Variants in DMD observed in about 807,000 individuals in gnomAD.
The protein encoded by DMD is dystrophin, also known as mutant dystrophin.
DMD carries 63 observed loss-of-function variants against 330.1 expected under a neutral mutation model. That is an observed-to-expected ratio of 0.19 (90% CI 0.16 to 0.24). The LOEUF is 0.24. Ranked by LOEUF, DMD falls within the 10% of genes least tolerant of loss-of-function variation. The pLI is 1.00. For missense variants in DMD, 3,344 were observed against 2,684.1 expected (o/e 1.25, Z -5.43); for synonymous variants, 1,223 against 959.8 (o/e 1.27, Z -5.07).
intron 17 of DMD, among the ~76,000 whole-genome samples, chrX:32,524,170 T>G (rs1043314260): frequency 2.7e-5 from 3 of 110,439 alleles, no homozygotes; most frequent in African/African-American, 6.6e-5. Flanking sequence ...TCCTGACCTC[T>G]AGATCCGCCC....
chrX:32,052,530 G>A (rs2096124451), intron 44 of DMD, among the ~76,000 whole-genome samples: 1 of 110,680 alleles, frequency 9.0e-6, no homozygotes, highest in African/African-American at 3.3e-5. Flanking sequence ...TGTATGTTCA[G>A]AATAAAAGAA....
At chrX:33,061,898 C>CT (rs894824584) in intron 1 of DMD, among the ~76,000 whole-genome samples, 2 of 111,100 alleles carry the variant, frequency 1.8e-5, no homozygotes, top group African/African-American at 6.5e-5. Flanking sequence ...ACTTAAAACT[C>CT]TTTTTTTCCC....
intron 17 of DMD, among the ~76,000 whole-genome samples, chrX:32,525,465 C>T (rs1446013138): frequency 5.4e-5 from 6 of 111,590 alleles, no homozygotes; most frequent in African/African-American, 9.8e-5. Flanking sequence ...GGCCTACATC[C>T]AACGCTTAGT....
At chrX:31,808,148 G>A (rs1283284354) in intron 50 of DMD, among the ~76,000 whole-genome samples, 1 of 111,449 alleles carries the variant, frequency 9.0e-6, no homozygotes, top group African/African-American at 3.3e-5. Context: ...GGGAATAATC[G>A]AAATGAAAGC....
chrX:32,171,003 G>A (rs997838943), intron 44 of DMD, among the ~76,000 whole-genome samples: 1 of 111,179 alleles, frequency 9.0e-6, no homozygotes, highest in South Asian at 3.8e-4. Context: ...ATCTATCTGT[G>A]TCCCTATAAA....
intron 41 of DMD, among the ~76,000 whole-genome samples, chrX:32,325,252 A>T (rs1284152757): frequency 9.0e-6 from 1 of 111,174 alleles, no homozygotes; most frequent in Non-Finnish European, 1.9e-5. Context: ...CAGAATGAAG[A>T]AATGAAGAGT....
At chrX:33,330,663 A>G (rs755949477) in intron 1 of DMD, among the ~76,000 whole-genome samples, 1 of 112,158 alleles carries the variant, frequency 8.9e-6, no homozygotes, top group South Asian at 3.7e-4. Flanking sequence ...ATTGTATGCA[A>G]CTGGCTTTTA....
chrX:32,466,687 GA>G (rs1331806089), intron 23 of DMD, among the ~76,000 whole-genome samples: 1 of 111,278 alleles, frequency 9.0e-6, no homozygotes, highest in Admixed American at 9.6e-5. Flanking sequence ...GGGAGAGGGA[GA>G]TAGACAGGGA....
chrX:32,745,513 G>C (rs1384464195), intron 7 of DMD, among the ~76,000 whole-genome samples: 1 of 112,275 alleles, frequency 8.9e-6, no homozygotes, highest in Non-Finnish European at 1.9e-5. Context: ...TTCAGTGACA[G>C]TTAAGTTCCT....
At chrX:33,327,391 T>A (rs1324146719) in intron 1 of DMD, among the ~76,000 whole-genome samples, 1 of 111,739 alleles carries the variant, frequency 8.9e-6, no homozygotes, top group Non-Finnish European at 1.9e-5. Context: ...AACCTTGGAA[T>A]AGGTTGCTAA....
At chrX:31,158,276 G>A (rs779809082) in intron 74 of DMD, among the ~76,000 whole-genome samples, 1 of 112,172 alleles carries the variant, frequency 8.9e-6, no homozygotes, top group Non-Finnish European at 1.9e-5. Context: ...AAGAAAGAAT[G>A]AAATACTAAT....
At chrX:33,277,574 A>G (rs1282146702) in intron 1 of DMD, among the ~76,000 whole-genome samples, 2 of 110,734 alleles carry the variant, frequency 1.8e-5, no homozygotes, top group Middle Eastern at 9.1e-3. Flanking sequence ...TTCTTTCACA[A>G]CGTGTTTATG....
At chrX:32,175,527 T>A (rs750408253) in intron 44 of DMD, among the ~76,000 whole-genome samples, 1 of 110,819 alleles carries the variant, frequency 9.0e-6, no homozygotes, top group South Asian at 3.9e-4. Context: ...TGCTCGCTGT[T>A]TGGGTTCGTG....
intron 62 of DMD, among the ~76,000 whole-genome samples, chrX:31,301,458 C>T (rs1267874551): frequency 8.9e-6 from 1 of 111,810 alleles, no homozygotes; most frequent in African/African-American, 3.3e-5. Flanking sequence ...AGCACATCTT[C>T]ACACAGCAGC....
At chrX:33,220,335 G>A (rs2052150880) in intron 1 of DMD, among the ~76,000 whole-genome samples, 1 of 111,247 alleles carries the variant, frequency 9.0e-6, no homozygotes, top group Admixed American at 9.6e-5. Flanking sequence ...TTTCAGTCTT[G>A]GATGGATACT....
At chrX:31,857,189 G>T (rs1166614828) in intron 48 of DMD, among the ~76,000 whole-genome samples, 1 of 109,213 alleles carries the variant, frequency 9.2e-6, no homozygotes, top group African/African-American at 3.3e-5. Flanking sequence ...GACCAGCCTG[G>T]TCAACATGGT....
intron 1 of DMD, among the ~76,000 whole-genome samples, chrX:33,139,879 A>AT (rs1279080182): frequency 6.5e-5 from 7 of 108,125 alleles, no homozygotes; most frequent in Non-Finnish European, 1.1e-4. Context: ...AAAAAAAAAA[A>AT]AAAAAAAAAA....
intron 55 of DMD, among the ~76,000 whole-genome samples, chrX:31,552,376 T>C (rs533552891): frequency 1.8e-5 from 2 of 110,803 alleles, no homozygotes; most frequent in African/African-American, 3.3e-5. Context: ...TCCCACTAGA[T>C]TGCTAGGGTT....
intron 57 of DMD, among the ~76,000 whole-genome samples, chrX:31,494,061 G>A (rs917691724): frequency 4.6e-5 from 5 of 108,373 alleles, no homozygotes; most frequent in Admixed American, 4.0e-4. Flanking sequence ...GGAGGCTGAG[G>A]CGGGAGAATT....
Sources: allele counts gnomAD v4.1 joint callset (sites outside exome capture counted in the v4.1 genomes callset), GRCh38; gene constraint gnomAD v4.1.1; transcripts MANE v1.5; gene names NCBI Gene and HGNC (gene_info 2026-07-23, HGNC 2026-07-21).